Variants in PARD3B observed in about 807,000 individuals in gnomAD.
PARD3B encodes par-3 family cell polarity regulator beta.
A neutral mutation model predicts 130.2 loss-of-function variants in PARD3B; 103 were observed. That is an observed-to-expected ratio of 0.79 (90% CI 0.67 to 0.93). PARD3B has a LOEUF of 0.93. Among genes scored for constraint, PARD3B ranks in the 40% least tolerant of loss-of-function variants. PARD3B has a pLI of 0.00. For synonymous variants in PARD3B, 583 were observed against 553.2 expected, an observed-to-expected ratio of 1.05 and a Z score of -0.76; for missense variants, 1,609 against 1,499.2, an observed-to-expected ratio of 1.07 and a Z score of -1.21.
chr2:204,794,821 C>A (rs1267214183), intron 2 of PARD3B, among the ~76,000 whole-genome samples: 2 of 152,214 alleles, frequency 1.3e-5, no homozygotes, highest in African/African-American at 2.4e-5. Context: ...TATATTGCGA[C>A]ACTGAGTTCT....
chr2:205,498,227 C>T (rs10178345), intron 20 of PARD3B, among the ~76,000 whole-genome samples: 60,009 of 145,392 alleles, frequency 0.41, 12,686 homozygotes, highest in Admixed American at 0.51. Flanking sequence ...ACAGGCCAGG[C>T]GTGGTGGCTC....
At chr2:204,822,855 A>G (rs1179117137) in intron 2 of PARD3B, among the ~76,000 whole-genome samples, 1 of 152,216 alleles carries the variant, frequency 6.6e-6, no homozygotes, top group Non-Finnish European at 1.5e-5. Context: ...TTTTGAAAAT[A>G]TTAACTTTCC....
intron 2 of PARD3B, among the ~76,000 whole-genome samples, chr2:204,854,602 A>G (rs1158818687): frequency 6.6e-6 from 1 of 152,206 alleles, no homozygotes; most frequent in Non-Finnish European, 1.5e-5. Flanking sequence ...AATATTCCAT[A>G]CTGAACACAC....
In PARD3B at chr2:204,990,353, T is replaced by G. The variant is rs114883782; in HGVS notation, c.394+25030T>G. On this transcript the variant is annotated intron_variant, in intron 3 of 22. Coordinates refer to ENST00000406610, the MANE Select transcript of PARD3B (RefSeq NM_001302769.2). ...ACAATGCATAATGATCACTTCAGGATTATTAGCGTATCACCTCAAACATAT... is the reference window on the plus strand; with the variant it reads ...ACAATGCATAATGATCACTTCAGGAGTATTAGCGTATCACCTCAAACATAT... 3.8e-3 allele frequency among the ~76,000 whole-genome samples: 580 copies of G among 152,226 alleles called. 5 individuals carry two copies. Among genetic ancestry groups the G allele is most frequent in the African/African-American group, 0.013 (543 of 41,532 alleles).
chr2:205,219,161 A>T (rs768209779), intron 15 of PARD3B, among the ~76,000 whole-genome samples: 2 of 152,024 alleles, frequency 1.3e-5, no homozygotes, highest in African/African-American at 4.8e-5. Flanking sequence ...AATGTTTTCT[A>T]TTAGCTCAAC....
chr2:205,414,707 AT>A (rs1425121228), intron 19 of PARD3B, among the ~76,000 whole-genome samples: 2 of 152,228 alleles, frequency 1.3e-5, no homozygotes, highest in African/African-American at 4.8e-5. Flanking sequence ...AAGATGGCAC[AT>A]TTCCAATCTA....
At chr2:204,566,883 T>G (rs1012832258) in intron 1 of PARD3B, among the ~76,000 whole-genome samples, 1 of 136,956 alleles carries the variant, frequency 7.3e-6, no homozygotes, top group Non-Finnish European at 1.5e-5. Flanking sequence ...CTAAACCTCT[T>G]TTTTTTTTTT....
chr2:204,939,707 G>A (rs866952125), intron 2 of PARD3B, among the ~76,000 whole-genome samples: 9 of 152,284 alleles, frequency 5.9e-5, no homozygotes, highest in Non-Finnish European at 1.2e-4. Flanking sequence ...TATAAACACA[G>A]TATTATCCAT....
chr2:204,806,223 T>A lies in PARD3B; in HGVS notation c.222+119941T>A, dbSNP rs185520199. 2.8e-3 allele frequency among the ~76,000 whole-genome samples: 426 copies of A among 152,248 alleles called. 1 individual carries two copies. Among genetic ancestry groups the A allele is most frequent in the African/African-American group, 9.1e-3 (378 of 41,552 alleles). The stretch of plus-strand genomic sequence containing the variant: ...AAGAACAAAACTGGAGGAATCATAC[T>A]ACCTGACTTCAAATTATTCTACAGA... On this transcript the variant is annotated intron_variant, in intron 2 of 22. Coordinates refer to ENST00000406610, the MANE Select transcript of PARD3B (RefSeq NM_001302769.2).
At chr2:204,922,270 T>C (rs796143801) in intron 2 of PARD3B, among the ~76,000 whole-genome samples, 2 of 151,976 alleles carry the variant, frequency 1.3e-5, no homozygotes, top group Non-Finnish European at 2.9e-5. Flanking sequence ...AAATAAGCAG[T>C]GAAACCTTGG....
intron 20 of PARD3B, among the ~76,000 whole-genome samples, chr2:205,467,388 G>A (rs1482160987): frequency 2.0e-5 from 3 of 152,208 alleles, no homozygotes; most frequent in Admixed American, 6.5e-5. Context: ...GCACCACCCA[G>A]CTTGGTGTCA....
intron 2 of PARD3B, among the ~76,000 whole-genome samples, chr2:204,920,747 A>G (rs1398436839): frequency 6.6e-6 from 1 of 152,138 alleles, no homozygotes; most frequent in Non-Finnish European, 1.5e-5. Context: ...TAAATGAATT[A>G]ATTTATCATC....
intron 16 of PARD3B, among the ~76,000 whole-genome samples, chr2:205,296,029 T>G (rs980698491): frequency 6.6e-6 from 1 of 152,172 alleles, no homozygotes; most frequent in Non-Finnish European, 1.5e-5. Context: ...CATGATCATA[T>G]TTAAGAATTC....
At chr2:205,511,298 C>A (rs2050579510) in intron 21 of PARD3B, among the ~76,000 whole-genome samples, 1 of 152,040 alleles carries the variant, frequency 6.6e-6, no homozygotes, top group South Asian at 2.1e-4. Context: ...ACCTAAATAG[C>A]AAAGAGCAGA....
At chr2:204,566,734 C>A (rs1191759093) in intron 1 of PARD3B, among the ~76,000 whole-genome samples, 1 of 152,004 alleles carries the variant, frequency 6.6e-6, no homozygotes, top group Non-Finnish European at 1.5e-5. Context: ...TATAATTTTC[C>A]TCAGGGTTGT....
intron 2 of PARD3B, among the ~76,000 whole-genome samples, chr2:204,818,513 T>G (rs1164593178): frequency 6.6e-6 from 1 of 152,204 alleles, no homozygotes; most frequent in African/African-American, 2.4e-5. Flanking sequence ...GTAATTCCTG[T>G]GGGATCGTCA....
At chr2:204,665,564 T>G (rs1448055681) in intron 1 of PARD3B, among the ~76,000 whole-genome samples, 2 of 152,190 alleles carry the variant, frequency 1.3e-5, no homozygotes, top group African/African-American at 4.8e-5. Context: ...AGACCAAGAC[T>G]CAGGGAAATC....
intron 16 of PARD3B, among the ~76,000 whole-genome samples, chr2:205,255,681 G>T (rs916405354): frequency 2.0e-5 from 3 of 152,056 alleles, no homozygotes; most frequent in Non-Finnish European, 2.9e-5. Context: ...GACTTACTTA[G>T]GCTTACTCAT....
At position 205,352,421 on chromosome 2, in the gene PARD3B, G is replaced by T. The variant is rs897826564; in HGVS notation, c.2631-48592G>T. On this transcript the variant is annotated intron_variant, in intron 18 of 22. Transcript: ENST00000406610. The surrounding 1 kb of genome is among the most constrained non-coding windows in gnomAD (Gnocchi z 5.2). ...TGACCTTGAAGGACTCAATTTTTAA[G>T]ATAATTAACTTCACAGTTCTAAGTC... Among the ~76,000 whole-genome samples, 15 of 152,246 alleles carry T rather than the reference G, an allele frequency of 9.9e-5. No individual in the cohort carries two copies. Among genetic ancestry groups the T allele is most frequent in the Admixed American group, 9.2e-4 (14 of 15,288 alleles).
Sources: gnomAD v4.1 joint callset for allele counts (sites outside exome capture counted in the v4.1 genomes callset) on GRCh38, gnomAD v4.1.1 for gene constraint, Gnocchi (gnomAD v3.1) non-coding constraint, MANE v1.5 for transcripts, NCBI Gene and HGNC (gene_info 2026-07-23, HGNC 2026-07-21) for gene names.